DCBLD2: variants seen among roughly 807,000 people sequenced by gnomAD.
The protein encoded by DCBLD2 is discoidin, CUB and LCCL domain containing 2.
Under a neutral mutation model 86.8 loss-of-function variants are expected in DCBLD2, and 54 were observed. That is an observed-to-expected ratio of 0.62 (90% confidence interval 0.50 to 0.78). The LOEUF is 0.78. DCBLD2 is among the 30% of genes least tolerant of loss of function. DCBLD2 has a pLI of 0.00. For missense variants in DCBLD2, 908 were observed against 954.2 expected (o/e 0.95, Z 0.64); for synonymous variants, 354 against 341.3 (o/e 1.04, Z -0.41).
intron 2 of DCBLD2, among the ~76,000 whole-genome samples, chr3:98,867,929 C>A (rs1943186794): frequency 6.6e-6 from 1 of 151,920 alleles, no homozygotes; most frequent in African/African-American, 2.4e-5. Flanking sequence ...CAGCCTCCTG[C>A]ATAGCTGGGA....
At chr3:98,816,833 T>C (rs937465834) in intron 9 of DCBLD2, among the ~76,000 whole-genome samples, 1 of 152,148 alleles carries the variant, frequency 6.6e-6, no homozygotes, top group African/African-American at 2.4e-5. Flanking sequence ...CCAGGCTGGA[T>C]TGCAGTGGAG....
chr3:98,871,475 G>A, intron 2 of DCBLD2, among the ~76,000 whole-genome samples: 1 of 152,030 alleles, frequency 6.6e-6, no homozygotes, highest in East Asian at 1.9e-4. Context: ...AGTTTGTTGA[G>A]GAGTTTTATC....
chr3:98,820,395 C>A (rs1942097691), intron 6 of DCBLD2, 107 bp from the exon 7 acceptor site: 1 of 784,120 alleles, frequency 1.3e-6, no homozygotes. Context: ...AATAAAAGAA[C>A]CAAGAAGACT....
intron 13 of DCBLD2, among the ~76,000 whole-genome samples, chr3:98,803,024 C>T (rs1941758748): frequency 6.6e-6 from 1 of 152,102 alleles, no homozygotes; most frequent in South Asian, 2.1e-4. Flanking sequence ...ATTGTCTTGG[C>T]AATGTGGGCT....
At chr3:98,799,888 G>T in intron 15 of DCBLD2, 47 bp from the exon 16 acceptor site, 2 of 1,483,144 alleles carry the variant, frequency 1.3e-6, no homozygotes, top group Non-Finnish European at 1.8e-6. Context: ...CTAGTAAAGA[G>T]ATTGCATAAT....
At chr3:98,814,226 T>TA (rs1232168526) in intron 9 of DCBLD2, 1 of 152,198 alleles carries the variant, frequency 6.6e-6, no homozygotes, top group African/African-American at 2.4e-5. Flanking sequence ...GCAGTTACAA[T>TA]AACTTCCATA....
At chr3:98,884,238 A>T (rs184018769) in intron 1 of DCBLD2, among the ~76,000 whole-genome samples, 23 of 152,228 alleles carry the variant, frequency 1.5e-4, no homozygotes, top group African/African-American at 1.9e-4. Flanking sequence ...ATCAACATTA[A>T]ATTTTAGCTA....
chr3:98,880,208 A>G lies in DCBLD2; in HGVS notation c.433+1332T>C, dbSNP rs568831003. 2.0e-5 allele frequency among the ~76,000 whole-genome samples: 3 copies of G among 152,330 alleles called. No individual in the cohort carries two copies. In the East Asian group the frequency reaches 5.8e-4, roughly 29 times the overall value. On this transcript the variant is annotated intron_variant, in intron 2 of 15. Coordinates refer to ENST00000326840, the MANE Select transcript of DCBLD2 (RefSeq NM_080927.4). ...GCAGGAATTTTTCCTCTGGTAGATA[A>G]GAGGCCAAAAAAGTAAAGAAGAGAT... is the stretch of plus-strand genomic sequence containing the variant.
intron 2 of DCBLD2, among the ~76,000 whole-genome samples, chr3:98,874,495 A>C (rs1490747008): frequency 6.6e-6 from 1 of 152,178 alleles, no homozygotes; most frequent in Non-Finnish European, 1.5e-5. Flanking sequence ...TTACCTCCAT[A>C]GATGCTAAAA....
intron 2 of DCBLD2, among the ~76,000 whole-genome samples, chr3:98,851,097 A>C (rs2470839): frequency 0.97 from 147,876 of 152,194 alleles, 72,002 homozygotes; most frequent in East Asian, 1. Flanking sequence ...CTGGTCAGGG[A>C]AATCAGGCAA....
intron 13 of DCBLD2, among the ~76,000 whole-genome samples, chr3:98,804,452 T>C (rs1029112699): frequency 6.6e-6 from 1 of 152,204 alleles, no homozygotes; most frequent in Non-Finnish European, 1.5e-5. Context: ...TCTTTATTAG[T>C]CTTGCTAGCA....
chr3:98,811,001 C>T (rs907867177), intron 12 of DCBLD2, among the ~76,000 whole-genome samples, 193 bp downstream of exon 12: 1 of 152,102 alleles, frequency 6.6e-6, no homozygotes, highest in African/African-American at 2.4e-5. Context: ...AAGAGCAATT[C>T]TACATGGCAG....
Position 98,808,072 on chromosome 3 carries a change from T to G in DCBLD2, c.1670+9A>C, listed in dbSNP as rs771675780. 1.3e-6 allele frequency: 2 copies of G among 1,567,774 alleles called. No homozygotes were observed. The highest frequency in any genetic ancestry group is 2.7e-5 in the African/African-American group (2 of 72,828). On this transcript the variant is annotated intron_variant, in intron 13 of 15. Transcript: ENST00000326840. ...GTTTTGGACTCAGGTGAACTAGTTA[T>G]GTACTAACCTGTTTCTCCAGTGCCA...
chr3:98,884,366 C>CT (rs1943523510), intron 1 of DCBLD2, among the ~76,000 whole-genome samples: 1 of 151,242 alleles, frequency 6.6e-6, no homozygotes, highest in South Asian at 2.1e-4. Context: ...ATCCACTGGT[C>CT]TTTTGCAAAT....
intron 3 of DCBLD2, among the ~76,000 whole-genome samples, chr3:98,829,926 A>G (rs946121935): frequency 2.0e-5 from 3 of 152,172 alleles, no homozygotes; most frequent in Admixed American, 6.5e-5. Flanking sequence ...CTTTTTAATA[A>G]TAGCCATTCT....
At chr3:98,862,397 C>T (rs558532961) in intron 2 of DCBLD2, among the ~76,000 whole-genome samples, 3 of 152,270 alleles carry the variant, frequency 2.0e-5, no homozygotes, top group African/African-American at 4.8e-5. Context: ...GATACCAAAG[C>T]CTGGCAGAGA....
chr3:98,800,983 G>A lies in DCBLD2; in HGVS notation c.1721-267C>T, dbSNP rs576670851. 5.9e-5 allele frequency among the ~76,000 whole-genome samples: 9 copies of A among 151,942 alleles called. No individual in the cohort carries two copies. In the East Asian group the frequency reaches 1.5e-3, roughly 26 times the overall value. On this transcript the variant is annotated intron_variant, in intron 14 of 15. Coordinates refer to ENST00000326840, the MANE Select transcript of DCBLD2 (RefSeq NM_080927.4). ...CAGATACAGTATCTATTTTAGGGGT[G>A]GCCTTAATTACATTTTTCCCAAAAA...
At chr3:98,851,826 G>A (rs1261904170) in intron 2 of DCBLD2, among the ~76,000 whole-genome samples, 2 of 152,188 alleles carry the variant, frequency 1.3e-5, no homozygotes, top group African/African-American at 2.4e-5. Flanking sequence ...AACAAGCAAC[G>A]GGGAAAGGGT....
chr3:98,821,923 G>A (rs1427912594), intron 6 of DCBLD2, among the ~76,000 whole-genome samples: 2 of 152,180 alleles, frequency 1.3e-5, no homozygotes, highest in Non-Finnish European at 2.9e-5. Context: ...CCACACACCT[G>A]TAATCCCAGC....
Sources: gnomAD v4.1 joint callset for allele counts (sites outside exome capture counted in the v4.1 genomes callset) on GRCh38, gnomAD v4.1.1 for gene constraint, MANE v1.5 for transcripts, NCBI Gene and HGNC (gene_info 2026-07-23, HGNC 2026-07-21) for gene names.